Variants in TGM7 observed in about 807,000 individuals in gnomAD.
The protein encoded by TGM7 is transglutaminase 7, also known as protein-glutamine gamma-glutamyltransferase Z.
In TGM7, 74 loss-of-function variants were observed where a neutral mutation model predicts 79.5. The observed-to-expected ratio is 0.93, with a 90% CI of 0.77 to 1.13. TGM7 has a LOEUF of 1.13. TGM7 is among the 50% of genes most tolerant of loss of function. The probability of loss-of-function intolerance (pLI) is 0.00; values close to 1 mark genes in which losing one functional copy is unlikely to be tolerated. For missense variants in TGM7, 912 were observed against 905.9 expected (o/e 1.01, Z -0.09); for synonymous variants, 354 against 362.5 (o/e 0.98, Z 0.27).
chr15:43,301,031 G>A (rs80234964), intron 1 of TGM7, among the ~76,000 whole-genome samples: 3,286 of 152,054 alleles, frequency 0.022, 116 homozygotes, highest in African/African-American at 0.076. Flanking sequence ...TCCCAGGCCG[G>A]AGTGCAGTGG....
rs1301549129 is a variant in TGM7 at position 43,281,832 on chromosome 15, C to A, written c.1351+12G>T. 15 of 1,611,358 alleles carry A rather than the reference C, an allele frequency of 9.3e-6. No individual in the cohort carries two copies. The highest frequency in any genetic ancestry group is 1.3e-5 in the Non-Finnish European group (15 of 1,177,614). On this transcript the variant is annotated intron_variant, in intron 9 of 12. Coordinates refer to ENST00000452443, the MANE Select transcript of TGM7 (RefSeq NM_052955.3). Reference sequence around the variant, plus strand: ...CTTAAAGCAGCCCTTTCCCCAAATACCCGCCCAGCACCTTCTGGGTACTTG... The same window carrying A: ...CTTAAAGCAGCCCTTTCCCCAAATAACCGCCCAGCACCTTCTGGGTACTTG...
At chr15:43,284,059 T>G (rs892721241) in intron 7 of TGM7, among the ~76,000 whole-genome samples, 10 of 152,044 alleles carry the variant, frequency 6.6e-5, no homozygotes, top group Non-Finnish European at 1.5e-4. Context: ...ATTAGCCAGG[T>G]GTGGTGGTAC....
rs1371476449 is a variant in TGM7 at position 43,292,798 on chromosome 15, G to A, written c.350C>T (p.Thr117Ile). 1 of 1,614,164 alleles carries A rather than the reference G, an allele frequency of 6.2e-7. No homozygotes were observed. Among genetic ancestry groups the A allele is most frequent in the Non-Finnish European group, 8.5e-7 (1 of 1,180,034 alleles). The change falls in exon 3 of 13, where the codon ACT (threonine) becomes ATT (isoleucine). Residue 117 changes from threonine (T) to isoleucine (I), a missense_variant. Thr to Ile is a moderately conservative substitution (Grantham distance 89). Coordinates refer to ENST00000452443, the MANE Select transcript of TGM7 (RefSeq NM_052955.3). ...TPANAVIGHY[T>I]LKIEISQGQG... ...GCCCTGAGAGATCTCTATTTTCAGA[G>A]TGTAATGGCCAATAACTGCATTGGC...
intron 10 of TGM7, 101 bp from the exon 11 acceptor site, chr15:43,279,378 G>A (rs1028295345): frequency 2.4e-5 from 32 of 1,341,246 alleles, no homozygotes; most frequent in Non-Finnish European, 3.1e-5. Flanking sequence ...CACGTGAGAG[G>A]TAAAAGTGTG....
intron 1 of TGM7, among the ~76,000 whole-genome samples, chr15:43,296,281 C>G (rs554218192): frequency 6.6e-6 from 1 of 151,992 alleles, no homozygotes; most frequent in East Asian, 1.9e-4. Context: ...AAAAATTAGC[C>G]GGGCGTGGTG....
chr15:43,300,282 C>G (rs2043019392), intron 1 of TGM7, among the ~76,000 whole-genome samples: 1 of 152,188 alleles, frequency 6.6e-6, no homozygotes, highest in Non-Finnish European at 1.5e-5. Context: ...CCTGTAACTA[C>G]CCAATTCCAT....
chr15:43,288,801 G>A lies in TGM7; in HGVS notation c.559-1132C>T, dbSNP rs938520590. On this transcript the variant is annotated intron_variant, in intron 4 of 12. Coordinates refer to ENST00000452443, the MANE Select transcript of TGM7 (RefSeq NM_052955.3). ...AAAAATTAGCCGGGCATTATGGCTC[G>A]CACCTGTAGTCCTAGTTACTCAGGA... Among the ~76,000 whole-genome samples the A allele has an allele frequency of 5.9e-5, 9 of 152,140 alleles. No individual in the cohort carries two copies. The South Asian group carries it at 8.3e-4, about 14-fold the overall frequency.
intron 3 of TGM7, 105 bp downstream of exon 3, chr15:43,292,604 A>G: frequency 1.4e-6 from 2 of 1,415,592 alleles, no homozygotes; most frequent in Middle Eastern, 4.2e-4. Flanking sequence ...ACGCTACTAC[A>G]TTGCATAGCT....
intron 6 of TGM7, among the ~76,000 whole-genome samples, chr15:43,286,264 T>A (rs2042935231): frequency 6.6e-6 from 1 of 152,140 alleles, no homozygotes; most frequent in African/African-American, 2.4e-5. Context: ...AGTGGCCCTG[T>A]AACTCGAGCG....
At chr15:43,292,998 G>A in intron 2 of TGM7, 44 bp from the exon 3 acceptor site, 1 of 1,604,752 alleles carries the variant, frequency 6.2e-7, no homozygotes, top group Non-Finnish European at 8.5e-7. Context: ...CAAAAAACCT[G>A]TATGGTATAT....
chr15:43,280,381 T>A (rs187411597), intron 9 of TGM7, among the ~76,000 whole-genome samples: 1 of 152,226 alleles, frequency 6.6e-6, no homozygotes, highest in Non-Finnish European at 1.5e-5. Context: ...CCCAGCAATT[T>A]GGGAGGTTGA....
At position 43,298,309 on chromosome 15, in the gene TGM7, G is replaced by T. The variant is rs534437409; in HGVS notation, c.10+3932C>A. 2.0e-5 allele frequency among the ~76,000 whole-genome samples: 3 copies of T among 152,336 alleles called. No individual in the cohort carries two copies. In the East Asian group the frequency reaches 5.8e-4, roughly 29 times the overall value. On this transcript the variant is annotated intron_variant, in intron 1 of 12. Transcript: ENST00000452443. ...GGGATGGAGGGGATGGGAAGGGGCA[G>T]AGCCTGTGAGGGCAGCAGGGCCAGG...
chr15:43,287,371 G>A lies in TGM7; in HGVS notation c.774C>T (p.Gly258=). ...ACCACTGCTGTAGGATGGCCACACT[G>A]CCCTTCCACTCCAGAGGACTGACCC... is the stretch of plus-strand genomic sequence containing the variant. ...SKGVSPLEWK[G]SVAILQQWSA... The change falls in exon 6 of 13, where the codon GGC becomes GGT. Residue 258 remains glycine (G), a synonymous_variant. Transcript: ENST00000452443. 1 of 1,614,174 alleles carries A rather than the reference G, an allele frequency of 6.2e-7. No homozygotes were observed. The highest frequency in any genetic ancestry group is 1.6e-4 in the Middle Eastern group (1 of 6,062).
Position 43,284,954 on chromosome 15 carries a change from T to C in TGM7, c.866-2A>G, listed in dbSNP as rs1046787281. ...TTGGAACACCTAAGCATCTCATTACTAAAGAGAAAAATATAGAGAATCGCT... is the reference window on the plus strand; with the variant it reads ...TTGGAACACCTAAGCATCTCATTACCAAAGAGAAAAATATAGAGAATCGCT... On this transcript the variant is annotated splice_acceptor_variant, in intron 6 of 12. Coordinates refer to ENST00000452443, the MANE Select transcript of TGM7 (RefSeq NM_052955.3). LOFTEE classifies it high-confidence loss of function. 6 of 1,614,012 alleles carry C rather than the reference T, an allele frequency of 3.7e-6. No individual in the cohort carries two copies. The highest frequency in any genetic ancestry group is 3.4e-6 in the Non-Finnish European group (4 of 1,179,908).
chr15:43,282,417 G>A (rs1027794220), intron 8 of TGM7, 100 bp downstream of exon 8: 59 of 1,042,650 alleles, frequency 5.7e-5, no homozygotes, highest in Admixed American at 1.3e-4. Flanking sequence ...AGAGGGTGCC[G>A]TGGAAAACGC....
chr15:43,293,484 G>A lies in TGM7; in HGVS notation c.158C>T (p.Ser53Phe). The A allele has an allele frequency of 6.2e-7, 1 of 1,610,746 alleles. No individual in the cohort carries two copies. Among genetic ancestry groups the A allele is most frequent in the East Asian group, 2.2e-5 (1 of 44,708 alleles). Residue 53 changes from serine to phenylalanine, a missense_variant, in exon 2 of 13, where the codon TCC (serine) becomes TTC (phenylalanine). Transcript: ENST00000452443. ...CACAAAGGTGATGTGGTCGTTCTGG[G>A]ACTGGAAGGGTCGGCTGAAGCTCAG... is the stretch of plus-strand genomic sequence containing the variant. ...LRLSFSRPFQ[S>F]QNDHITFVAE...
rs994239373 is a variant in TGM7 at position 43,279,936 on chromosome 15, C to G, written c.1367G>C (p.Arg456Thr). Residue 456 changes from arginine (R) to threonine (T), a missense_variant, in exon 10 of 13, where the codon AGA (arginine) becomes ACA (threonine). Transcript: ENST00000452443. ...CCGAGAAGCCTTCATGAAGACAGCT[C>G]TCTCCTCAGGGGATCCTGCAGAAGG... ...YKYPEGSPEE[R>T]AVFMKASRKM... The G allele has an allele frequency of 6.2e-7, 1 of 1,614,030 alleles. No homozygotes were observed. The highest frequency in any genetic ancestry group is 2.2e-5 in the East Asian group (1 of 44,886).
intron 2 of TGM7, 126 bp from the exon 3 acceptor site, chr15:43,293,080 C>T (rs2042972166): frequency 2.2e-6 from 3 of 1,355,554 alleles, no homozygotes; most frequent in Non-Finnish European, 3.0e-6. Context: ...TTACTGCCAC[C>T]GAGTGTCCTC....
chr15:43,296,774 A>G (rs1156824905), intron 1 of TGM7, among the ~76,000 whole-genome samples: 1 of 152,176 alleles, frequency 6.6e-6, no homozygotes, highest in Non-Finnish European at 1.5e-5. Flanking sequence ...TCCTCTCCAG[A>G]GGCCCAAGGT....
Sources: gnomAD v4.1 joint callset for allele counts (sites outside exome capture counted in the v4.1 genomes callset) on GRCh38, gnomAD v4.1.1 for gene constraint, MANE v1.5 for transcripts, NCBI Gene and HGNC (gene_info 2026-07-23, HGNC 2026-07-21) for gene names.